Variants in NFIB observed in about 807,000 individuals in gnomAD.
NFIB encodes nuclear factor 1 B-type.
In NFIB, 11 loss-of-function variants were observed where a neutral mutation model predicts 61.5. The observed-to-expected ratio is 0.18, with a 90% CI of 0.11 to 0.30. The LOEUF (loss-of-function observed/expected upper bound fraction) is 0.30. Among genes scored for constraint, NFIB ranks in the 10% least tolerant of loss-of-function variants. NFIB has a pLI of 1.00. For missense variants in NFIB, 471 were observed against 608.9 expected, an observed-to-expected ratio of 0.77 and a Z score of 2.38; for synonymous variants, 260 against 216.5, an observed-to-expected ratio of 1.20 and a Z score of -1.76.
the NFIB span, among the ~76,000 whole-genome samples, chr9:14,434,545 CCTGA>C: frequency 6.6e-6 from 1 of 152,136 alleles, no homozygotes; most frequent in African/African-American, 2.4e-5. Flanking sequence ...GTCAGTATAT[CCTGA>C]CTGAGGAAAG....
the NFIB span, among the ~76,000 whole-genome samples, chr9:14,474,215 C>G: frequency 1.1e-3 from 165 of 152,198 alleles, no homozygotes; most frequent in African/African-American, 3.9e-3. Flanking sequence ...TATCATAGTT[C>G]TAGAGGCTGG....
chr9:14,167,452 G>C (rs1364502400), intron 3 of NFIB, among the ~76,000 whole-genome samples: 1 of 152,112 alleles, frequency 6.6e-6, no homozygotes, highest in East Asian at 1.9e-4. Flanking sequence ...AGAATTGCTT[G>C]AACCTGGGAG....
intron 1 of NFIB, among the ~76,000 whole-genome samples, chr9:14,334,354 C>T (rs933422630): frequency 2.0e-5 from 3 of 152,126 alleles, no homozygotes; most frequent in African/African-American, 4.8e-5. Context: ...GTTTTAATTG[C>T]TTCACATCTT....
At chr9:14,379,799 C>T (rs548688337) in intron 1 of NFIB, among the ~76,000 whole-genome samples, 45 of 152,272 alleles carry the variant, frequency 3.0e-4, no homozygotes, top group African/African-American at 9.1e-4. Context: ...TCTCCTACCT[C>T]AGCCTCCCGA....
intron 7 of NFIB, among the ~76,000 whole-genome samples, chr9:14,124,598 T>G (rs1456850862): frequency 6.6e-6 from 1 of 152,208 alleles, no homozygotes; most frequent in Non-Finnish European, 1.5e-5. Context: ...ACTATAAATT[T>G]AAACCAATAA....
rs34055171 is a variant in NFIB, at chr9:14,217,660, C to CAAAAAAAAAAAAAAAAA, written c.563-37897_563-37881dup. 3.6e-3 allele frequency among the ~76,000 whole-genome samples: 293 copies of CAAAAAAAAAAAAAAAAA among 81,430 alleles called. 8 individuals are homozygous for CAAAAAAAAAAAAAAAAA. Among genetic ancestry groups the CAAAAAAAAAAAAAAAAA allele is most frequent in the East Asian group, 0.032 (58 of 1,820 alleles). The allele number at this position is 81,430 out of a possible 152,430, so 53.4% of individuals were successfully genotyped here. A position where few individuals can be genotyped will look rare whatever the true frequency, so the allele number is the denominator to read the frequency against. On this transcript the variant is annotated intron_variant, in intron 2 of 10. Coordinates refer to ENST00000380953, the MANE Select transcript of NFIB (RefSeq NM_001190737.2). ...GGGCAACAAGAGTGAAACTCCATCT[C>CAAAAAAAAAAAAAAAAA]AAAAAAAAAAAAAAAAAAAAAGACA...
At chr9:14,219,276 A>G (rs538735617) in intron 2 of NFIB, among the ~76,000 whole-genome samples, 1 of 151,526 alleles carries the variant, frequency 6.6e-6, no homozygotes, top group East Asian at 1.9e-4. Context: ...TCTAAGATGC[A>G]GATAAATTAC....
the NFIB span, among the ~76,000 whole-genome samples, chr9:14,473,998 G>A: frequency 6.6e-6 from 1 of 152,132 alleles, no homozygotes; most frequent in Non-Finnish European, 1.5e-5. Flanking sequence ...CATGGTGTGA[G>A]GACGGAGATG....
intron 1 of NFIB, among the ~76,000 whole-genome samples, chr9:14,342,409 A>G (rs1169097135): frequency 2.0e-5 from 3 of 152,158 alleles, no homozygotes; most frequent in Admixed American, 2.0e-4. Flanking sequence ...ATCAGGGGAA[A>G]AGCCAGTGAA....
chr9:14,106,350 G>C (rs2036556167), intron 10 of NFIB, among the ~76,000 whole-genome samples: 1 of 152,004 alleles, frequency 6.6e-6, no homozygotes. Context: ...AAATTCTATT[G>C]TCTAGAAAAT....
At chr9:14,412,144 A>T in the NFIB span, among the ~76,000 whole-genome samples, 1 of 152,184 alleles carries the variant, frequency 6.6e-6, no homozygotes, top group African/African-American at 2.4e-5. Context: ...GACAAGAGAT[A>T]TGTATTGTTT....
chr9:14,187,801 T>C (rs1246831755), intron 2 of NFIB, among the ~76,000 whole-genome samples: 3 of 152,064 alleles, frequency 2.0e-5, no homozygotes, highest in Non-Finnish European at 4.4e-5. Context: ...AAAAATCATA[T>C]ATCAAAAAAA....
chr9:14,338,911 G>A (rs914217915), intron 1 of NFIB, among the ~76,000 whole-genome samples: 19 of 138,698 alleles, frequency 1.4e-4, no homozygotes, highest in South Asian at 4.4e-4. Flanking sequence ...ATAGTTTTCC[G>A]TCTACTGTCA....
chr9:14,462,584 C>T, the NFIB span, among the ~76,000 whole-genome samples: 3 of 152,070 alleles, frequency 2.0e-5, no homozygotes, highest in African/African-American at 7.2e-5. Context: ...GCCCGGCCAC[C>T]GTATGGTATT....
At chr9:14,356,315 A>G (rs923975176) in intron 1 of NFIB, among the ~76,000 whole-genome samples, 2 of 152,192 alleles carry the variant, frequency 1.3e-5, no homozygotes, top group Non-Finnish European at 2.9e-5. Context: ...AAGATTCCAC[A>G]TGAGCTAGTG....
At chr9:14,254,675 A>G (rs1373223168) in intron 2 of NFIB, among the ~76,000 whole-genome samples, 2 of 152,208 alleles carry the variant, frequency 1.3e-5, no homozygotes, top group African/African-American at 4.8e-5. Flanking sequence ...ATAATGATAC[A>G]TAGGTTCCTG....
chr9:14,313,570 A>G lies in NFIB; in HGVS notation c.-59T>C. The G allele has an allele frequency of 6.2e-7, 1 of 1,612,264 alleles. No individual in the cohort carries two copies. Among genetic ancestry groups the G allele is most frequent in the Non-Finnish European group, 8.5e-7 (1 of 1,179,198 alleles). ...CCCAAGAAAATCTTCGAGAAGCAAG[A>G]ATTTCATCTATTCATTTTACAGTCA... On this transcript the variant is annotated 5_prime_UTR_variant, in exon 1 of 11. Coordinates refer to ENST00000380953, the MANE Select transcript of NFIB (RefSeq NM_001190737.2). This position sits in a 1 kb window ranked among gnomAD's most constrained non-coding sequence, Gnocchi z 4.5.
intron 2 of NFIB, among the ~76,000 whole-genome samples, chr9:14,229,765 T>A (rs1257952900): frequency 2.6e-5 from 4 of 152,154 alleles, no homozygotes. Flanking sequence ...CCTCTCTCTG[T>A]TCCAGGCTCT....
At chr9:14,506,159 T>A in the NFIB span, among the ~76,000 whole-genome samples, 1 of 152,210 alleles carries the variant, frequency 6.6e-6, no homozygotes, top group Non-Finnish European at 1.5e-5. Flanking sequence ...AAGTTTTACA[T>A]CCTACAAAGT....
Sources: allele counts gnomAD v4.1 joint callset (sites outside exome capture counted in the v4.1 genomes callset), GRCh38; gene constraint gnomAD v4.1.1; non-coding constraint Gnocchi (gnomAD v3.1); transcripts MANE v1.5; gene names NCBI Gene and HGNC (gene_info 2026-07-23, HGNC 2026-07-21).